The following NELL1 variants were observed in gnomAD, a reference collection of about 807,000 sequenced individuals.
NELL1 encodes the protein neural EGFL like 1.
NELL1 carries 76 observed loss-of-function variants against 107.4 expected under a neutral mutation model. The ratio of observed to expected loss-of-function variants is 0.71; its 90% confidence interval spans 0.59 to 0.86. The LOEUF (loss-of-function observed/expected upper bound fraction) is 0.86. Among genes scored for constraint, NELL1 ranks in the 40% least tolerant of loss-of-function variants. NELL1 has a pLI of 0.00. For synonymous variants in NELL1, 353 were observed against 341.2 expected (o/e 1.03, Z -0.38); for missense variants, 1,024 against 1,005.5 (o/e 1.02, Z -0.25).
intron 11 of NELL1, among the ~76,000 whole-genome samples, chr11:20,953,089 C>A (rs1851100649): frequency 6.6e-6 from 1 of 152,174 alleles, no homozygotes. Flanking sequence ...TTAACCAGTC[C>A]ATGGGTGGAC....
intron 4 of NELL1, among the ~76,000 whole-genome samples, chr11:20,858,899 C>T (rs1177751611): frequency 6.6e-6 from 1 of 152,180 alleles, no homozygotes; most frequent in East Asian, 1.9e-4. Flanking sequence ...GGCACAGGTA[C>T]AGGATCCAAA....
chr11:21,501,061 A>G (rs777144754), intron 15 of NELL1, among the ~76,000 whole-genome samples: 13 of 152,218 alleles, frequency 8.5e-5, no homozygotes, highest in Admixed American at 5.9e-4. Flanking sequence ...GTCTGTGAAT[A>G]TTATCACATA....
At chr11:20,759,420 C>G (rs559970370) in intron 2 of NELL1, among the ~76,000 whole-genome samples, 1 of 152,310 alleles carries the variant, frequency 6.6e-6, no homozygotes, top group East Asian at 1.9e-4. Context: ...TTGTGAGACT[C>G]AGTGTCACCA....
chr11:20,900,088 A>G (rs1393548652), intron 5 of NELL1, among the ~76,000 whole-genome samples: 2 of 152,084 alleles, frequency 1.3e-5, no homozygotes, highest in African/African-American at 2.4e-5. Context: ...TTTATTCTCC[A>G]TGGGTTCATT....
rs1849143559 is a variant in NELL1, at chr11:20,868,803, TAA to T, written c.507-16638_507-16637del. The stretch of plus-strand genomic sequence containing the variant: ...CCTCATAAAAGTATTAAATTTTATA[TAA>T]AAGAGAAGAAATTTCATGATCTTAA... On this transcript the variant is annotated intron_variant, in intron 4 of 19. Transcript: ENST00000357134. Among the ~76,000 whole-genome samples the T allele has an allele frequency of 2.0e-5, 3 of 152,206 alleles. No individual in the cohort carries two copies. The South Asian group carries it at 6.2e-4, about 32-fold the overall frequency.
chr11:20,707,966 G>C (rs1005826116), intron 2 of NELL1, among the ~76,000 whole-genome samples: 2 of 152,224 alleles, frequency 1.3e-5, no homozygotes, highest in Non-Finnish European at 2.9e-5. Flanking sequence ...GGGGCAGGCA[G>C]GCCTGCCTGA....
chr11:21,381,753 A>G lies in NELL1; in HGVS notation c.1645+10805A>G, dbSNP rs144763090. ...TTATTTGTATCATCTTTCCAGCTCTATTCTCTCTGTTCCCACAAACATTTT... is the reference window on the plus strand; with the variant it reads ...TTATTTGTATCATCTTTCCAGCTCTGTTCTCTCTGTTCCCACAAACATTTT... On this transcript the variant is annotated intron_variant, in intron 15 of 19. Coordinates refer to ENST00000357134, the MANE Select transcript of NELL1 (RefSeq NM_006157.5). 1.1e-3 allele frequency among the ~76,000 whole-genome samples: 163 copies of G among 151,954 alleles called. 4 individuals are homozygous for G. In the East Asian group the frequency reaches 0.029, roughly 27 times the overall value.
chr11:21,096,813 T>A (rs1854654118), intron 12 of NELL1, among the ~76,000 whole-genome samples: 1 of 152,068 alleles, frequency 6.6e-6, no homozygotes, highest in Non-Finnish European at 1.5e-5. Context: ...CTCCTGTAAG[T>A]GATTCTCCCA....
chr11:21,012,439 G>A (rs1204211509), intron 12 of NELL1, among the ~76,000 whole-genome samples: 1 of 152,066 alleles, frequency 6.6e-6, no homozygotes, highest in African/African-American at 2.4e-5. Context: ...CATCCTGCAT[G>A]GGAGTGGCTG....
chr11:20,891,220 A>G (rs1044189764), intron 5 of NELL1, among the ~76,000 whole-genome samples: 1 of 152,214 alleles, frequency 6.6e-6, no homozygotes, highest in African/African-American at 2.4e-5. Context: ...ACATTCTTAA[A>G]GAAAAGAATT....
chr11:21,480,286 T>C (rs1399768423), intron 15 of NELL1, among the ~76,000 whole-genome samples: 1 of 152,164 alleles, frequency 6.6e-6, no homozygotes, highest in African/African-American at 2.4e-5. Context: ...TTTTCATTCT[T>C]ATTAAATTGG....
rs535211517 is a variant in NELL1, at chr11:20,875,952, GAGA to G, written c.507-9488_507-9486del. On this transcript the variant is annotated intron_variant, in intron 4 of 19. Transcript: ENST00000357134. ...CAGGTCACACGCAGGCTTGATCTCT[GAGA>G]AGACCTCTCTCCTCTCTGTGAAGGG... 3.3e-5 allele frequency among the ~76,000 whole-genome samples: 5 copies of G among 152,336 alleles called. No homozygotes were observed. In the South Asian group the frequency reaches 1.0e-3, roughly 32 times the overall value.
intron 2 of NELL1, among the ~76,000 whole-genome samples, chr11:20,765,427 T>C (rs1856508749): frequency 6.6e-6 from 1 of 152,166 alleles, no homozygotes; most frequent in African/African-American, 2.4e-5. Context: ...AGTGGTGAGC[T>C]TCCATGCAGC....
chr11:21,509,344 C>T (rs1855377750), intron 15 of NELL1, among the ~76,000 whole-genome samples: 1 of 152,126 alleles, frequency 6.6e-6, no homozygotes, highest in African/African-American at 2.4e-5. Flanking sequence ...TAATCTCTGA[C>T]CCAACAGTTC....
intron 13 of NELL1, among the ~76,000 whole-genome samples, chr11:21,175,969 T>A (rs1158383103): frequency 6.6e-6 from 1 of 151,748 alleles, no homozygotes; most frequent in African/African-American, 2.4e-5. Flanking sequence ...ATCTTTACCT[T>A]GTCTGCCATG....
At chr11:21,131,871 T>C (rs1855626654) in intron 13 of NELL1, among the ~76,000 whole-genome samples, 1 of 152,204 alleles carries the variant, frequency 6.6e-6, no homozygotes, top group African/African-American at 2.4e-5. Context: ...GATGTTTTAT[T>C]AACCACTATT....
intron 15 of NELL1, among the ~76,000 whole-genome samples, chr11:21,456,902 T>C (rs76016285): frequency 3.6e-4 from 55 of 152,144 alleles, no homozygotes; most frequent in African/African-American, 1.2e-3. Flanking sequence ...GTGTTTTTTT[T>C]CTAAGATACA....
chr11:21,456,415 A>G (rs1853738401), intron 15 of NELL1, among the ~76,000 whole-genome samples: 1 of 151,872 alleles, frequency 6.6e-6, no homozygotes, highest in African/African-American at 2.4e-5. Context: ...AAACTGCACG[A>G]TGTACTTCCT....
chr11:21,191,281 AAG>A (rs1433580677), intron 13 of NELL1, among the ~76,000 whole-genome samples: 3 of 151,852 alleles, frequency 2.0e-5, no homozygotes, highest in African/African-American at 7.3e-5. Flanking sequence ...GAAAGCAAGA[AAG>A]AGAGAACCAC....
Sources: gnomAD v4.1 joint callset for allele counts (sites outside exome capture counted in the v4.1 genomes callset) on GRCh38, gnomAD v4.1.1 for gene constraint, MANE v1.5 for transcripts, NCBI Gene and HGNC (gene_info 2026-07-23, HGNC 2026-07-21) for gene names.